Variants in TMTC4 observed in about 807,000 individuals in gnomAD.
TMTC4 encodes protein O-mannosyl-transferase TMTC4.
TMTC4 carries 65 observed loss-of-function variants against 86.0 expected under a neutral mutation model. The ratio of observed to expected loss-of-function variants is 0.76; its 90% CI spans 0.62 to 0.93. The LOEUF (loss-of-function observed/expected upper bound fraction) is 0.93, where lower values mean the gene tolerates loss of function less well. TMTC4 is among the 40% of genes least tolerant of loss of function. TMTC4 has a pLI of 0.00. For synonymous variants in TMTC4, 379 were observed against 382.5 expected, an observed-to-expected ratio of 0.99 and a Z score of 0.11; for missense variants, 866 against 948.1, an observed-to-expected ratio of 0.91 and a Z score of 1.14.
chr13:100,624,206 G>C (rs1167085312), intron 15 of TMTC4, among the ~76,000 whole-genome samples: 2 of 151,724 alleles, frequency 1.3e-5, no homozygotes, highest in Non-Finnish European at 2.9e-5. Context: ...GGCGCCTATA[G>C]TCCCAGCTAC....
At chr13:100,657,647 G>A (rs559822216) in intron 5 of TMTC4, among the ~76,000 whole-genome samples, 4 of 152,318 alleles carry the variant, frequency 2.6e-5, no homozygotes, top group Admixed American at 6.5e-5. Context: ...GATTGTCCAG[G>A]TATCGCTTTA....
intron 5 of TMTC4, among the ~76,000 whole-genome samples, chr13:100,658,098 A>G (rs1449645734): frequency 6.6e-6 from 1 of 152,176 alleles, no homozygotes; most frequent in Non-Finnish European, 1.5e-5. Flanking sequence ...TTTATGAATG[A>G]AATGAATATG....
intron 7 of TMTC4, among the ~76,000 whole-genome samples, chr13:100,640,366 G>C (rs574534515): frequency 3.6e-4 from 55 of 152,098 alleles, no homozygotes; most frequent in Admixed American, 1.4e-3. Flanking sequence ...CTGTTTTAGA[G>C]CAAATTAAAA....
At chr13:100,653,419 G>A (rs564460284) in intron 6 of TMTC4, among the ~76,000 whole-genome samples, 2 of 152,184 alleles carry the variant, frequency 1.3e-5, no homozygotes, top group Non-Finnish European at 2.9e-5. Context: ...TTCTGATGTC[G>A]CCGGGCCAGG....
intron 6 of TMTC4, among the ~76,000 whole-genome samples, chr13:100,651,333 G>C (rs913737032): frequency 6.6e-6 from 1 of 151,978 alleles, no homozygotes; most frequent in Non-Finnish European, 1.5e-5. Context: ...AACACTTTTT[G>C]TTTTGGGCAT....
chr13:100,674,808 C>G (rs918563076), upstream of TMTC4: 9 of 981,606 alleles, frequency 9.2e-6, no homozygotes, highest in African/African-American at 5.3e-5. Flanking sequence ...CGGCTCCAGG[C>G]ACCCGCCCGG....
intron 1 of TMTC4, chr13:100,674,500 G>A: frequency 1.2e-6 from 1 of 867,230 alleles, no homozygotes; most frequent in Non-Finnish European, 1.4e-6. Flanking sequence ...CGGGCGGGGC[G>A]CGCAGCCTCC....
At chr13:100,673,211 G>C in intron 1 of TMTC4, 1 of 594,540 alleles carries the variant, frequency 1.7e-6, no homozygotes, top group Non-Finnish European at 2.1e-6. Flanking sequence ...CCCCACACAG[G>C]GACCCCAGAA....
At chr13:100,606,092 C>T (rs944884894) in intron 18 of TMTC4, among the ~76,000 whole-genome samples, 16 of 152,218 alleles carry the variant, frequency 1.1e-4, no homozygotes, top group African/African-American at 3.9e-4. Context: ...TCTCACCCTT[C>T]TCAGCTTAAC....
intron 7 of TMTC4, among the ~76,000 whole-genome samples, chr13:100,641,680 T>C (rs1403646402): frequency 6.6e-6 from 1 of 152,018 alleles, no homozygotes; most frequent in African/African-American, 2.4e-5. Context: ...AGAGAAGGGG[T>C]TTCTCCATGT....
chr13:100,642,197 G>T lies in TMTC4; in HGVS notation c.741+14C>A. On this transcript the variant is annotated intron_variant, in intron 7 of 18. Coordinates refer to ENST00000342624, the MANE Select transcript of TMTC4 (RefSeq NM_032813.5). ...CACAGAAAAAGCAGGCCCCAGCCAT[G>T]TTGCGGCTCTCACCAGCACAGTGAT... is the stretch of plus-strand genomic sequence containing the variant. 6.2e-7 allele frequency: 1 copy of T among 1,613,644 alleles called. No individual in the cohort carries two copies. Among genetic ancestry groups the T allele is most frequent in the Non-Finnish European group, 8.5e-7 (1 of 1,179,634 alleles).
At chr13:100,646,190 ACCCTCTTG>A (rs1883718529) in intron 6 of TMTC4, among the ~76,000 whole-genome samples, 1 of 152,024 alleles carries the variant, frequency 6.6e-6, no homozygotes, top group Non-Finnish European at 1.5e-5. Flanking sequence ...GGCAGGGTGC[ACCCTCTTG>A]AGAGTAAGCC....
At chr13:100,666,023 G>A (rs1886353315) in intron 3 of TMTC4, 1 of 456,556 alleles carries the variant, frequency 2.2e-6, no homozygotes, top group Non-Finnish European at 4.4e-6. Context: ...CTTCGGCAGA[G>A]GATCTTTTCC....
chr13:100,669,982 G>A (rs1390863367), intron 2 of TMTC4, among the ~76,000 whole-genome samples: 1 of 152,132 alleles, frequency 6.6e-6, no homozygotes. Context: ...AGGATTCCCA[G>A]CACTGCCTGG....
In TMTC4 at chr13:100,637,911, G is replaced by A. The variant is rs199719681; in HGVS notation, c.834+19C>T. ...TGACATTTTCCATGTCTGGGCTGGA[G>A]ATAAAAGTACAGACTCACCTCTAAT... On this transcript the variant is annotated intron_variant, in intron 8 of 18. Transcript: ENST00000342624. 1.8e-5 allele frequency: 28 copies of A among 1,588,118 alleles called. No homozygotes were observed. Among genetic ancestry groups the A allele is most frequent in the Admixed American group, 5.2e-5 (3 of 57,452 alleles).
At chr13:100,663,393 CG>C (rs1490173442) in intron 4 of TMTC4, among the ~76,000 whole-genome samples, 1 of 152,140 alleles carries the variant, frequency 6.6e-6, no homozygotes, top group African/African-American at 2.4e-5. Flanking sequence ...CAGGGAAAAA[CG>C]GATGAAACAT....
chr13:100,612,348 G>C, intron 17 of TMTC4, 50 bp downstream of exon 17: 1 of 1,381,044 alleles, frequency 7.2e-7, no homozygotes, highest in Non-Finnish European at 1.0e-6. Context: ...TACGTCTTCT[G>C]TCAGATGCTG....
At chr13:100,615,298 C>T (rs1023773316) in intron 15 of TMTC4, among the ~76,000 whole-genome samples, 3 of 151,690 alleles carry the variant, frequency 2.0e-5, no homozygotes, top group East Asian at 1.9e-4. Flanking sequence ...CCACCATGCC[C>T]GGCAAATTTT....
Position 100,634,818 on chromosome 13 carries a change from G to A in TMTC4, c.1493C>T (p.Pro498Leu). ...QLFRSALSVC[P>L]LNAKVHYNIG... The stretch of plus-strand genomic sequence containing the variant: ...GCAGCTAGGTACCTTAGCATTGAGG[G>A]GACACACAGACAGAGCACTTCTGAA... Residue 498 changes from proline to leucine, a missense_variant, in exon 12 of 19, where the codon CCC becomes CTC. Physicochemically the swap from Pro to Leu is moderately conservative, Grantham distance 98. Coordinates refer to ENST00000342624, the MANE Select transcript of TMTC4 (RefSeq NM_032813.5). 5 of 1,613,892 alleles carry A rather than the reference G, an allele frequency of 3.1e-6. No homozygotes were observed. The highest frequency in any genetic ancestry group is 4.2e-6 in the Non-Finnish European group (5 of 1,179,934).
Sources: gnomAD v4.1 joint callset for allele counts (sites outside exome capture counted in the v4.1 genomes callset) on GRCh38, gnomAD v4.1.1 for gene constraint, MANE v1.5 for transcripts, NCBI Gene and HGNC (gene_info 2026-07-23, HGNC 2026-07-21) for gene names.